Variants in ARB2A observed in about 807,000 individuals in gnomAD.
ARB2A encodes ARB2 cotranscriptional regulator A, also known as cotranscriptional regulator ARB2A.
the ARB2A span, among the ~76,000 whole-genome samples, chr5:93,721,231 G>A: frequency 6.6e-6 from 1 of 152,048 alleles, no homozygotes; most frequent in Non-Finnish European, 1.5e-5. Context: ...AGGGTGAAGC[G>A]GCTGGTTACA....
the ARB2A span, among the ~76,000 whole-genome samples, chr5:93,692,212 A>G: frequency 6.6e-6 from 1 of 152,226 alleles, no homozygotes; most frequent in East Asian, 1.9e-4. Context: ...AAAAGCCACA[A>G]TTAAAAGACA....
chr5:93,854,285 T>A, the ARB2A span, among the ~76,000 whole-genome samples: 2 of 152,242 alleles, frequency 1.3e-5, no homozygotes, highest in African/African-American at 2.4e-5. Flanking sequence ...TTTGTATTTC[T>A]GTGGGATTGG....
the ARB2A span, chr5:93,620,158 T>A: frequency 6.6e-6 from 1 of 152,128 alleles, no homozygotes; most frequent in East Asian, 1.9e-4. Flanking sequence ...TCAATCCCAG[T>A]GATAACAGTT....
At chr5:93,881,931 A>G in the ARB2A span, among the ~76,000 whole-genome samples, 8 of 151,346 alleles carry the variant, frequency 5.3e-5, no homozygotes, top group African/African-American at 1.9e-4. Flanking sequence ...ATTGCAACAT[A>G]AAGATTATAA....
At chr5:93,674,707 T>TA in the ARB2A span, among the ~76,000 whole-genome samples, 1 of 152,152 alleles carries the variant, frequency 6.6e-6, no homozygotes, top group Non-Finnish European at 1.5e-5. Flanking sequence ...TGCTTTAACT[T>TA]AAAAAAATAT....
the ARB2A span, among the ~76,000 whole-genome samples, chr5:93,931,772 C>T: frequency 6.6e-6 from 1 of 151,942 alleles, no homozygotes; most frequent in Non-Finnish European, 1.5e-5. Flanking sequence ...CCTGAGAAGC[C>T]CCTATCATAA....
chr5:93,678,484 G>A, the ARB2A span, among the ~76,000 whole-genome samples: 1 of 152,178 alleles, frequency 6.6e-6, no homozygotes, highest in African/African-American at 2.4e-5. Flanking sequence ...GGCCGAGTGC[G>A]GTGGCTCACG....
the ARB2A span, among the ~76,000 whole-genome samples, chr5:93,818,667 T>A: frequency 6.6e-6 from 1 of 152,164 alleles, no homozygotes; most frequent in South Asian, 2.1e-4. Flanking sequence ...ATTTTCTTAT[T>A]TTATTGAAAA....
At chr5:93,734,148 G>T in the ARB2A span, 1 of 152,146 alleles carries the variant, frequency 6.6e-6, no homozygotes, top group Non-Finnish European at 1.5e-5. Context: ...AGGAAAAAGA[G>T]AAATTGTTCC....
chr5:93,741,202 C>T, the ARB2A span: 2 of 1,613,746 alleles, frequency 1.2e-6, no homozygotes, highest in Non-Finnish European at 1.7e-6. Context: ...TTTCAGTATG[C>T]CCGAGATGTC....
At chr5:93,880,099 C>G in the ARB2A span, among the ~76,000 whole-genome samples, 10 of 151,708 alleles carry the variant, frequency 6.6e-5, no homozygotes, top group African/African-American at 2.2e-4. Flanking sequence ...CTTATTGCTT[C>G]TAAATATAAT....
At chr5:93,779,396 T>C in the ARB2A span, among the ~76,000 whole-genome samples, 1 of 152,194 alleles carries the variant, frequency 6.6e-6, no homozygotes, top group South Asian at 2.1e-4. Context: ...TGTCCCTTTT[T>C]TCAAGGCCCC....
chr5:93,766,738 G>A, the ARB2A span, among the ~76,000 whole-genome samples: 256 of 152,068 alleles, frequency 1.7e-3, no homozygotes, highest in African/African-American at 6.0e-3. Flanking sequence ...ACACATGCAC[G>A]TGTATGTTTA....
At chr5:94,014,139 G>T in the ARB2A span, among the ~76,000 whole-genome samples, 1 of 152,126 alleles carries the variant, frequency 6.6e-6, no homozygotes, top group Non-Finnish European at 1.5e-5. Flanking sequence ...CCACAGCCCT[G>T]GATGATAGGC....
At chr5:93,927,320 C>G in the ARB2A span, among the ~76,000 whole-genome samples, 2 of 152,162 alleles carry the variant, frequency 1.3e-5, no homozygotes, top group Non-Finnish European at 2.9e-5. Flanking sequence ...TAGGAGGAAA[C>G]ATTTAACCTC....
At chr5:93,887,691 C>T in the ARB2A span, among the ~76,000 whole-genome samples, 1 of 151,556 alleles carries the variant, frequency 6.6e-6, no homozygotes, top group African/African-American at 2.4e-5. Context: ...ACAAAGATAC[C>T]CATAAACATA....
the ARB2A span, among the ~76,000 whole-genome samples, chr5:93,766,890 G>A: frequency 6.6e-6 from 1 of 152,012 alleles, no homozygotes; most frequent in Non-Finnish European, 1.5e-5. Flanking sequence ...TCCTCTGTAG[G>A]GACATGGATG....
At chr5:93,773,877 C>G in the ARB2A span, among the ~76,000 whole-genome samples, 2 of 152,206 alleles carry the variant, frequency 1.3e-5, no homozygotes, top group African/African-American at 2.4e-5. Context: ...ACGTGATCCT[C>G]TTGCCTCAGC....
the ARB2A span, among the ~76,000 whole-genome samples, chr5:93,621,402 G>A: frequency 2.0e-5 from 3 of 152,190 alleles, no homozygotes; most frequent in African/African-American, 7.2e-5. Context: ...CGCTATCCGC[G>A]GCGTCTAGGC....
Sources: allele counts gnomAD v4.1 joint callset (sites outside exome capture counted in the v4.1 genomes callset), GRCh38; gene constraint gnomAD v4.1.1; transcripts MANE v1.5; gene names NCBI Gene and HGNC (gene_info 2026-07-23, HGNC 2026-07-21).